Variants in GLYATL1 observed in about 807,000 individuals in gnomAD.
GLYATL1 encodes glycine N-acyltransferase-like protein 1.
A neutral mutation model predicts 20.0 loss-of-function variants in GLYATL1; 15 were observed. That is an observed-to-expected ratio of 0.75 (90% confidence interval 0.50 to 1.15). The LOEUF (loss-of-function observed/expected upper bound fraction) is 1.15. Ranked by LOEUF, GLYATL1 falls within the 50% of genes most tolerant of loss-of-function variation. The pLI is 0.00. For synonymous variants in GLYATL1, 151 were observed against 131.5 expected (o/e 1.15, Z -1.01); for missense variants, 380 against 368.5 (o/e 1.03, Z -0.26).
intron 2 of GLYATL1, 35 bp downstream of exon 2, chr11:58,943,701 T>A: frequency 6.2e-7 from 1 of 1,608,020 alleles, no homozygotes. Context: ...GCTTCACACG[T>A]TGGTGTTTTG....
chr11:58,940,089 C>T (rs1856031030), intron 1 of GLYATL1, among the ~76,000 whole-genome samples: 1 of 152,000 alleles, frequency 6.6e-6, no homozygotes, highest in South Asian at 2.1e-4. Flanking sequence ...ACTGTTTGAC[C>T]CCAGTATAGT....
At chr11:58,913,721 G>C (rs992719867) in intron 1 of GLYATL1, among the ~76,000 whole-genome samples, 1 of 152,200 alleles carries the variant, frequency 6.6e-6, no homozygotes, top group African/African-American at 2.4e-5. Flanking sequence ...AATGGAGGAG[G>C]CTGTTTTGGA....
downstream of GLYATL1, among the ~76,000 whole-genome samples, chr11:58,912,867 G>A (rs1165864128): frequency 6.6e-6 from 1 of 152,192 alleles, no homozygotes; most frequent in African/African-American, 2.4e-5. Flanking sequence ...GATTATCCAG[G>A]AAACACACAA....
At chr11:58,948,945 G>T (rs149245043) in intron 4 of GLYATL1, among the ~76,000 whole-genome samples, 1 of 152,140 alleles carries the variant, frequency 6.6e-6, no homozygotes, top group African/African-American at 2.4e-5. Context: ...TTCATCATCC[G>T]TTAAAATGGG....
chr11:58,943,528 T>A lies in GLYATL1; in HGVS notation c.-166-15T>A. On this transcript the variant is annotated splice_polypyrimidine_tract_variant and intron_variant, in intron 1 of 6. Coordinates refer to ENST00000532726, the MANE Select transcript of GLYATL1 (RefSeq NM_001389712.2). ...TCCTTTAAGTTTAATTCAGCTGAAG[T>A]TTTTCTTTTATCAGATGGTGTCACA... The A allele has an allele frequency of 6.3e-7, 1 of 1,599,404 alleles. No individual in the cohort carries two copies. The highest frequency in any genetic ancestry group is 8.5e-7 in the Non-Finnish European group (1 of 1,172,862).
At chr11:58,907,859 TC>T (rs1162321341) in exon 2 of GLYATL1, 2 of 160,332 alleles carry the variant, frequency 1.2e-5, no homozygotes, top group African/African-American at 4.8e-5. Flanking sequence ...GCTAATGTTG[TC>T]CCACTATGGA....
chr11:58,951,785 T>C (rs1039855181), intron 4 of GLYATL1, among the ~76,000 whole-genome samples: 26 of 152,282 alleles, frequency 1.7e-4, no homozygotes, highest in African/African-American at 5.8e-4. Context: ...TAAATTATTT[T>C]CCTGTTATAT....
Position 58,947,911 on chromosome 11 carries a change from G to T in GLYATL1, c.132G>T (p.Val44=), listed in dbSNP as rs767422401. The part of the protein sequence containing the change: ...INHGNPFNME[V]LVDSWPEYQM... ...ACGGGAACCCCTTCAACATGGAGGT[G>T]CTGGTGGATTCCTGGCCTGAATATC... is the stretch of plus-strand genomic sequence containing the variant. Residue 44 remains valine (V), a synonymous_variant, in exon 4 of 7, where the codon GTG becomes GTT. Coordinates refer to ENST00000532726, the MANE Select transcript of GLYATL1 (RefSeq NM_001389712.2). 3 of 1,614,078 alleles carry T rather than the reference G, an allele frequency of 1.9e-6. No individual in the cohort carries two copies. Among genetic ancestry groups the T allele is most frequent in the South Asian group, 2.2e-5 (2 of 91,082 alleles).
upstream of GLYATL1, among the ~76,000 whole-genome samples, chr11:58,937,416 C>T (rs910061455): frequency 9.2e-5 from 14 of 152,124 alleles, no homozygotes; most frequent in Admixed American, 8.5e-4. Flanking sequence ...AACCTTCTTC[C>T]CTAGAAAGAC....
chr11:58,925,608 A>G (rs1355523064), upstream of GLYATL1, among the ~76,000 whole-genome samples: 1 of 151,910 alleles, frequency 6.6e-6, no homozygotes, highest in Non-Finnish European at 1.5e-5. Flanking sequence ...AGGGGTGGAC[A>G]TATGCACACA....
At chr11:58,926,237 A>G (rs1855424658), upstream of GLYATL1, among the ~76,000 whole-genome samples, 1 of 152,116 alleles carries the variant, frequency 6.6e-6, no homozygotes, top group Non-Finnish European at 1.5e-5. Flanking sequence ...AGTAAGTTGA[A>G]ATTGTTTAGA....
rs370033317 is a variant in GLYATL1, at chr11:58,943,237, T to C, written c.-166-306T>C. ...AACCTAATTTAGTAGTGTGCACCTG[T>C]AACAATACTCCAGTGTTGGCCAATC... On this transcript the variant is annotated intron_variant, in intron 1 of 6. Coordinates refer to ENST00000532726, the MANE Select transcript of GLYATL1 (RefSeq NM_001389712.2). 83 of 1,497,402 alleles carry C rather than the reference T, an allele frequency of 5.5e-5. No individual in the cohort carries two copies. In the African/African-American group the frequency reaches 1.1e-3, roughly 20 times the overall value. The allele number at this position is 1,497,402 out of a possible 1,614,324, so 92.8% of individuals were successfully genotyped here. A position where few individuals can be genotyped will look rare whatever the true frequency, so the allele number is the denominator to read the frequency against.
intron 1 of GLYATL1, among the ~76,000 whole-genome samples, chr11:58,915,120 C>G (rs1169064191): frequency 1.3e-5 from 2 of 152,192 alleles, no homozygotes; most frequent in Non-Finnish European, 2.9e-5. Flanking sequence ...ACATGTTGCT[C>G]TAAATTCTGC....
At chr11:58,914,471 G>C (rs1855122165) in intron 1 of GLYATL1, among the ~76,000 whole-genome samples, 1 of 152,212 alleles carries the variant, frequency 6.6e-6, no homozygotes, top group African/African-American at 2.4e-5. Context: ...GTTAACATGA[G>C]AAGCATAAGG....
downstream of GLYATL1, among the ~76,000 whole-genome samples, chr11:58,912,459 A>G (rs1479417376): frequency 6.6e-6 from 1 of 151,678 alleles, no homozygotes; most frequent in Non-Finnish European, 1.5e-5. Flanking sequence ...CTTCCTCCAC[A>G]CTCCCTAAAA....
intron 1 of GLYATL1, among the ~76,000 whole-genome samples, chr11:58,940,780 A>AC (rs1453189610): frequency 6.6e-6 from 1 of 151,968 alleles, no homozygotes; most frequent in Admixed American, 6.6e-5. Context: ...GGAAACAGAG[A>AC]CCCCCTCCCC....
downstream of GLYATL1, among the ~76,000 whole-genome samples, chr11:58,909,646 G>A (rs894826709): frequency 2.0e-5 from 3 of 152,186 alleles, no homozygotes; most frequent in Non-Finnish European, 2.9e-5. Context: ...TATATTTGGC[G>A]AATAAGACAG....
upstream of GLYATL1, among the ~76,000 whole-genome samples, chr11:58,924,114 T>C (rs1232605481): frequency 6.6e-6 from 1 of 152,042 alleles, no homozygotes; most frequent in Non-Finnish European, 1.5e-5. Flanking sequence ...CCAAGAGAGG[T>C]TTGTCACTGT....
intron 1 of GLYATL1, among the ~76,000 whole-genome samples, chr11:58,920,507 T>A (rs544281559): frequency 6.6e-6 from 1 of 152,274 alleles, no homozygotes; most frequent in South Asian, 2.1e-4. Context: ...CCCTCTAGTA[T>A]GAAACTGCTC....
Sources: gnomAD v4.1 joint callset for allele counts (sites outside exome capture counted in the v4.1 genomes callset) on GRCh38, gnomAD v4.1.1 for gene constraint, MANE v1.5 for transcripts, NCBI Gene and HGNC (gene_info 2026-07-23, HGNC 2026-07-21) for gene names.